Variants in ADGRD1 observed in about 807,000 individuals in gnomAD.
The protein encoded by ADGRD1 is G-protein coupled receptor 133.
ADGRD1 carries 77 observed loss-of-function variants against 113.4 expected under a neutral mutation model. The ratio of observed to expected loss-of-function variants is 0.68; its 90% CI spans 0.57 to 0.82. The LOEUF is 0.82. Among genes scored for constraint, ADGRD1 ranks in the 40% least tolerant of loss-of-function variants. The pLI, the probability that ADGRD1 is intolerant of heterozygous loss-of-function variation, is 0.00. For synonymous variants in ADGRD1, 474 were observed against 475.0 expected, an observed-to-expected ratio of 1.00 and a Z score of 0.03; for missense variants, 1,036 against 1,139.1, an observed-to-expected ratio of 0.91 and a Z score of 1.30.
chr12:130,987,099 C>T lies in ADGRD1; in HGVS notation c.495C>T (p.Pro165=). The change falls in exon 6 of 25, where the codon CCC becomes CCT. Residue 165 remains proline, a synonymous_variant. Coordinates refer to ENST00000261654, the MANE Select transcript of ADGRD1 (RefSeq NM_198827.5). The part of the protein sequence containing the change: ...TWEASFSPPG[P]YWTHVLFTWK... ...GCGATCTTCACTCTTTTCCAGGCCC[C>T]TATTGGACTCATGTCCTATTTACAT... The T allele has an allele frequency of 6.2e-7, 1 of 1,613,794 alleles. No individual in the cohort carries two copies. Among genetic ancestry groups the T allele is most frequent in the East Asian group, 2.2e-5 (1 of 44,888 alleles).
intron 8 of ADGRD1, among the ~76,000 whole-genome samples, chr12:130,997,167 G>A (rs1363331787): frequency 5.3e-5 from 7 of 131,062 alleles, no homozygotes; most frequent in East Asian, 2.3e-4. Context: ...CGGACGGGGC[G>A]GCTTGCCGGG....
At position 131,123,259 on chromosome 12, in the gene ADGRD1, G is replaced by C. The variant is rs542858153; in HGVS notation, c.2175+2346G>C. On this transcript the variant is annotated intron_variant, in intron 20 of 24. Transcript: ENST00000261654. ...AGGGTTTCACCATGTTGGCCAGGCT[G>C]GTCTCTAACTCCTGACCTCAGGTGA... Among the ~76,000 whole-genome samples the C allele has an allele frequency of 4.4e-4, 67 of 151,250 alleles. No individual in the cohort carries two copies. The South Asian group carries it at 0.013, about 30-fold the overall frequency.
At chr12:131,085,670 C>G (rs1446498324) in intron 15 of ADGRD1, among the ~76,000 whole-genome samples, 1 of 152,162 alleles carries the variant, frequency 6.6e-6, no homozygotes, top group Non-Finnish European at 1.5e-5. Flanking sequence ...CACAGAAGGG[C>G]TGGTTTGGAC....
At chr12:130,976,352 A>G (rs192675182) in intron 4 of ADGRD1, among the ~76,000 whole-genome samples, 1 of 152,300 alleles carries the variant, frequency 6.6e-6, no homozygotes, top group Non-Finnish European at 1.5e-5. Flanking sequence ...AGGATGCAAG[A>G]TGAGCCTGAG....
intron 5 of ADGRD1, among the ~76,000 whole-genome samples, chr12:130,985,409 G>A (rs1246039878): frequency 6.6e-6 from 1 of 152,040 alleles, no homozygotes; most frequent in Non-Finnish European, 1.5e-5. Flanking sequence ...TGTGCCTTTG[G>A]TGTTGGATCT....
At chr12:130,982,629 G>C (rs889287346) in intron 5 of ADGRD1, among the ~76,000 whole-genome samples, 1 of 152,178 alleles carries the variant, frequency 6.6e-6, no homozygotes, top group Non-Finnish European at 1.5e-5. Flanking sequence ...AAGAATCGGG[G>C]AGCAGAGGAA....
chr12:131,087,600 C>T (rs1367669888), intron 15 of ADGRD1, among the ~76,000 whole-genome samples: 2 of 152,232 alleles, frequency 1.3e-5, no homozygotes, highest in African/African-American at 4.8e-5. Context: ...CCGTTGCCCG[C>T]ACCCTTCAGT....
At chr12:130,996,337 T>C (rs925797561) in intron 8 of ADGRD1, among the ~76,000 whole-genome samples, 1 of 133,574 alleles carries the variant, frequency 7.5e-6, no homozygotes, top group African/African-American at 2.8e-5. Flanking sequence ...GGCTCCTCAC[T>C]TCCCAGTAGG....
At chr12:130,991,257 T>C in intron 7 of ADGRD1, 179 bp downstream of exon 7, 1 of 508,746 alleles carries the variant, frequency 2.0e-6, no homozygotes, top group East Asian at 3.3e-5. Flanking sequence ...GTGCTAAGAG[T>C]GACTGAAGGG....
intron 15 of ADGRD1, among the ~76,000 whole-genome samples, chr12:131,097,984 G>T (rs1355308210): frequency 1.3e-5 from 2 of 152,224 alleles, no homozygotes; most frequent in Non-Finnish European, 2.9e-5. Context: ...GCTCCTGCTG[G>T]CATGGGCGTC....
intron 13 of ADGRD1, among the ~76,000 whole-genome samples, chr12:131,044,737 T>G (rs894373926): frequency 1.3e-5 from 2 of 152,314 alleles, no homozygotes; most frequent in South Asian, 2.1e-4. Context: ...TGTGCGAGTT[T>G]CTTTTTACAC....
intron 19 of ADGRD1, among the ~76,000 whole-genome samples, chr12:131,120,504 C>T (rs1040179280): frequency 2.0e-5 from 3 of 152,244 alleles, no homozygotes; most frequent in Middle Eastern, 3.4e-3. Flanking sequence ...GGATGGGAAT[C>T]CCTCACAGAA....
chr12:131,035,588 A>C (rs192041417), intron 13 of ADGRD1: 2 of 152,192 alleles, frequency 1.3e-5, no homozygotes, highest in East Asian at 3.9e-4. Context: ...AAATCCACTG[A>C]GCCGAGACAC....
chr12:130,964,842 T>A (rs1870828868), intron 2 of ADGRD1, among the ~76,000 whole-genome samples: 1 of 152,244 alleles, frequency 6.6e-6, no homozygotes, highest in Non-Finnish European at 1.5e-5. Flanking sequence ...CTGTGCCTTA[T>A]CATTGAGTGT....
intron 23 of ADGRD1, 30 bp downstream of exon 23, chr12:131,137,044 A>G (rs890957904): frequency 7.6e-6 from 12 of 1,587,700 alleles, no homozygotes; most frequent in Non-Finnish European, 9.5e-6. Context: ...TGGCAGGTGC[A>G]GGTGCAGCTG....
chr12:131,006,008 T>C lies in ADGRD1; in HGVS notation c.1292T>C (p.Met431Thr), dbSNP rs1437221275. The C allele has an allele frequency of 2.5e-6, 4 of 1,612,628 alleles. No homozygotes were observed. Among genetic ancestry groups the C allele is most frequent in the African/African-American group, 1.3e-5 (1 of 75,014 alleles). The stretch of plus-strand genomic sequence containing the variant: ...GTCGTGGGTCTGCTGTACCACAGCA[T>C]GCACTACTACCTGAACAACATCTGG... Reference protein sequence around the residue: ...STVVGLLYHSMHYYLNNIWPA... With the variant: ...STVVGLLYHSTHYYLNNIWPA... Residue 431 changes from methionine to threonine, a missense_variant, in exon 12 of 25, where the codon ATG (methionine) becomes ACG (threonine). Transcript: ENST00000261654.
intron 13 of ADGRD1, chr12:131,028,137 T>A (rs1038689636): frequency 2.0e-5 from 3 of 152,228 alleles, no homozygotes; most frequent in Non-Finnish European, 4.4e-5. Flanking sequence ...GTGTGGCCCG[T>A]CTTTTCCAGG....
At chr12:131,053,472 G>A (rs571139770) in intron 13 of ADGRD1, among the ~76,000 whole-genome samples, 3 of 152,308 alleles carry the variant, frequency 2.0e-5, no homozygotes, top group Non-Finnish European at 2.9e-5. Context: ...TAGTGATTTA[G>A]AGAGGACCTG....
chr12:131,111,436 C>T (rs1191210461), intron 18 of ADGRD1, among the ~76,000 whole-genome samples: 2 of 152,044 alleles, frequency 1.3e-5, no homozygotes, highest in Non-Finnish European at 2.9e-5. Flanking sequence ...TAGATTAATT[C>T]TCTTTATCAA....
Sources: allele counts gnomAD v4.1 joint callset (sites outside exome capture counted in the v4.1 genomes callset), GRCh38; gene constraint gnomAD v4.1.1; transcripts MANE v1.5; gene names NCBI Gene and HGNC (gene_info 2026-07-23, HGNC 2026-07-21).